CSMD1: variants seen among roughly 807,000 people sequenced by gnomAD.
The protein encoded by CSMD1 is CUB and sushi domain-containing protein 1.
Under a neutral mutation model 417.5 loss-of-function variants are expected in CSMD1, and 213 were observed. The observed-to-expected ratio is 0.51, with a 90% CI of 0.46 to 0.57. The LOEUF is 0.57. Among genes scored for constraint, CSMD1 ranks in the 20% least tolerant of loss-of-function variants. The pLI is 0.00. For synonymous variants in CSMD1, 2,862 were observed against 1,736.8 expected (o/e 1.65, Z -16.11); for missense variants, 6,923 against 4,529.7 (o/e 1.53, Z -15.17).
intron 3 of CSMD1, among the ~76,000 whole-genome samples, chr8:4,374,829 A>C (rs529860249): frequency 6.6e-6 from 1 of 152,148 alleles, no homozygotes; most frequent in East Asian, 1.9e-4. Flanking sequence ...CTGCTGAGCA[A>C]AGTCTAGAGT....
rs922677414 is a variant in CSMD1 at position 3,998,007 on chromosome 8, A to C, written c.714T>G (p.Ile238Met). 5 of 1,609,502 alleles carry C rather than the reference A, an allele frequency of 3.1e-6. No individual in the cohort carries two copies. Among genetic ancestry groups the C allele is most frequent in the Non-Finnish European group, 2.5e-6 (3 of 1,177,824 alleles). Residue 238 changes from isoleucine to methionine, a missense_variant, in exon 5 of 70, where the codon ATT becomes ATG. Coordinates refer to ENST00000635120, the MANE Select transcript of CSMD1 (RefSeq NM_033225.6). ...YENNADCTWT[I>M]LAEPGDTIAL... ...CAATGGTGTCCCCGGGCTCAGCCAGAATGGTCCAGGTGCAGTCCGCGTTGT... is the reference window on the plus strand; with the variant it reads ...CAATGGTGTCCCCGGGCTCAGCCAGCATGGTCCAGGTGCAGTCCGCGTTGT...
At chr8:3,521,907 T>C (rs1797525931) in intron 10 of CSMD1, among the ~76,000 whole-genome samples, 2 of 152,232 alleles carry the variant, frequency 1.3e-5, no homozygotes, top group African/African-American at 4.8e-5. Context: ...CAATAAAAGC[T>C]GAGGCAAACC....
At chr8:3,633,774 T>C (rs918002778) in intron 7 of CSMD1, among the ~76,000 whole-genome samples, 6 of 152,230 alleles carry the variant, frequency 3.9e-5, no homozygotes, top group African/African-American at 7.2e-5. Flanking sequence ...CATTGCTTTA[T>C]AATCAGATAT....
chr8:4,315,091 G>A (rs1798845446), intron 3 of CSMD1, among the ~76,000 whole-genome samples: 1 of 152,042 alleles, frequency 6.6e-6, no homozygotes, highest in Non-Finnish European at 1.5e-5. Flanking sequence ...CTCGAGGGAG[G>A]GAAGAGGACA....
chr8:3,988,287 A>G (rs977697505), intron 5 of CSMD1, among the ~76,000 whole-genome samples: 7 of 152,194 alleles, frequency 4.6e-5, no homozygotes, highest in Non-Finnish European at 1.0e-4. Context: ...CATTATAAAC[A>G]TCACACAGGA....
At chr8:3,425,842 G>C (rs1045609135) in intron 12 of CSMD1, among the ~76,000 whole-genome samples, 1 of 152,064 alleles carries the variant, frequency 6.6e-6, no homozygotes, top group Non-Finnish European at 1.5e-5. Flanking sequence ...GAAGAACTAT[G>C]ACCTGTTAGA....
chr8:4,053,881 G>A (rs903999597), intron 3 of CSMD1, among the ~76,000 whole-genome samples: 4 of 152,070 alleles, frequency 2.6e-5, no homozygotes, highest in Admixed American at 2.0e-4. Context: ...GAAATTAGTT[G>A]CTATAATTAT....
intron 1 of CSMD1, among the ~76,000 whole-genome samples, chr8:4,701,029 T>A (rs559395340): frequency 2.6e-5 from 4 of 152,120 alleles, no homozygotes; most frequent in African/African-American, 9.7e-5. Flanking sequence ...GGAGGCAAAC[T>A]AGTGAACAAA....
At chr8:4,262,970 G>A (rs571684806) in intron 3 of CSMD1, among the ~76,000 whole-genome samples, 65 of 152,268 alleles carry the variant, frequency 4.3e-4, no homozygotes, top group African/African-American at 1.5e-3. Flanking sequence ...TCTCCAAGTA[G>A]AATCACATTT....
intron 3 of CSMD1, among the ~76,000 whole-genome samples, chr8:4,387,418 G>A (rs1005137611): frequency 8.6e-5 from 13 of 151,864 alleles, no homozygotes; most frequent in Admixed American, 2.6e-4. Context: ...ATTAAGTAAT[G>A]ACTCAAAGCA....
At chr8:3,790,297 T>G (rs945777176) in intron 5 of CSMD1, among the ~76,000 whole-genome samples, 13 of 152,180 alleles carry the variant, frequency 8.5e-5, no homozygotes, top group African/African-American at 3.1e-4. Flanking sequence ...AAGTAAGTCA[T>G]GTGTAGCTAC....
intron 9 of CSMD1, among the ~76,000 whole-genome samples, chr8:3,575,875 T>G (rs1299712653): frequency 6.6e-6 from 1 of 152,002 alleles, no homozygotes; most frequent in East Asian, 1.9e-4. Flanking sequence ...TACACATATT[T>G]TAGAAATATA....
chr8:4,367,034 A>T (rs1802114955), intron 3 of CSMD1, among the ~76,000 whole-genome samples: 1 of 152,078 alleles, frequency 6.6e-6, no homozygotes, highest in Non-Finnish European at 1.5e-5. Context: ...TGCTGTGCAG[A>T]AGCTTCTTAG....
At chr8:4,785,173 T>C (rs1453135351) in intron 1 of CSMD1, among the ~76,000 whole-genome samples, 1 of 152,234 alleles carries the variant, frequency 6.6e-6, no homozygotes. Flanking sequence ...TTGCTGAATA[T>C]GACTCCTAGC....
At chr8:3,428,048 G>A (rs4461920) in intron 12 of CSMD1, among the ~76,000 whole-genome samples, 10,457 of 152,190 alleles carry the variant, frequency 0.069, 407 homozygotes, top group East Asian at 0.16. Flanking sequence ...GCTTCGTTGC[G>A]TCTACCATTA....
intron 5 of CSMD1, among the ~76,000 whole-genome samples, chr8:3,885,907 TA>T (rs1306146092): frequency 2.0e-5 from 3 of 152,176 alleles, no homozygotes; most frequent in Non-Finnish European, 4.4e-5. Context: ...AGTTTGTTGT[TA>T]ATCTGTGAAT....
chr8:4,258,446 G>A (rs1363390839), intron 3 of CSMD1, among the ~76,000 whole-genome samples: 1 of 28,674 alleles, frequency 3.5e-5, no homozygotes, highest in Non-Finnish European at 7.3e-5. Context: ...AGGGGAGGAT[G>A]GAAGGAGGGA....
At chr8:4,690,437 G>C (rs1203812126) in intron 1 of CSMD1, among the ~76,000 whole-genome samples, 1 of 152,152 alleles carries the variant, frequency 6.6e-6, no homozygotes, top group Non-Finnish European at 1.5e-5. Context: ...AAAGAAGAAA[G>C]TTGCAGAATT....
chr8:4,324,440 G>A (rs142155019), intron 3 of CSMD1, among the ~76,000 whole-genome samples: 1 of 152,200 alleles, frequency 6.6e-6, no homozygotes, highest in African/African-American at 2.4e-5. Context: ...CCTAGCCTTT[G>A]TCAGTGAACA....
Sources: gnomAD v4.1 joint callset for allele counts (sites outside exome capture counted in the v4.1 genomes callset) on GRCh38, gnomAD v4.1.1 for gene constraint, MANE v1.5 for transcripts, NCBI Gene and HGNC (gene_info 2026-07-23, HGNC 2026-07-21) for gene names.